The following NRXN3 variants were observed in gnomAD, a reference collection of about 807,000 sequenced individuals.
The protein encoded by NRXN3 is neurexin 3, also known as neurexin III.
NRXN3 carries 32 observed loss-of-function variants against 137.6 expected under a neutral mutation model. That is an observed-to-expected ratio of 0.23 (90% CI 0.18 to 0.31). NRXN3 has a LOEUF of 0.31. Among genes scored for constraint, NRXN3 ranks in the 10% least tolerant of loss-of-function variants. The pLI, the probability that NRXN3 is intolerant of heterozygous loss-of-function variation, is 1.00. For missense variants in NRXN3, 1,574 were observed against 2,062.5 expected (o/e 0.76, Z 4.59); for synonymous variants, 798 against 784.5 (o/e 1.02, Z -0.29).
chr14:78,747,211 C>T (rs186755524), intron 8 of NRXN3, among the ~76,000 whole-genome samples: 3 of 152,312 alleles, frequency 2.0e-5, no homozygotes, highest in Admixed American at 2.0e-4. Context: ...GGGACTAAGA[C>T]TCCAGCTCAA....
At chr14:78,643,824 C>T (rs937829920) in intron 4 of NRXN3, among the ~76,000 whole-genome samples, 1 of 152,150 alleles carries the variant, frequency 6.6e-6, no homozygotes, top group South Asian at 2.1e-4. Flanking sequence ...TCAGACCTTG[C>T]AATATGTATG....
intron 15 of NRXN3, among the ~76,000 whole-genome samples, chr14:79,258,901 C>T (rs2077148473): frequency 6.6e-6 from 1 of 152,164 alleles, no homozygotes; most frequent in Admixed American, 6.5e-5. Flanking sequence ...TTGTCTTTTC[C>T]TTCAACTTCC....
At chr14:79,134,483 T>A (rs1200443168) in intron 15 of NRXN3, among the ~76,000 whole-genome samples, 2 of 152,238 alleles carry the variant, frequency 1.3e-5, no homozygotes, top group African/African-American at 4.8e-5. Flanking sequence ...TGTTTTGGAC[T>A]GAGGCTAACC....
intron 4 of NRXN3, among the ~76,000 whole-genome samples, chr14:78,548,076 A>G (rs1309006702): frequency 1.3e-5 from 2 of 152,228 alleles, no homozygotes; most frequent in Non-Finnish European, 2.9e-5. Context: ...CTTGTTATCT[A>G]TATTAAACAT....
At chr14:78,476,029 G>A (rs1341109311) in intron 4 of NRXN3, among the ~76,000 whole-genome samples, 2 of 152,190 alleles carry the variant, frequency 1.3e-5, no homozygotes, top group African/African-American at 4.8e-5. Context: ...AATAAAGCAA[G>A]GGAGGGGAAT....
At chr14:79,212,270 G>T (rs967985251) in intron 15 of NRXN3, among the ~76,000 whole-genome samples, 26 of 152,166 alleles carry the variant, frequency 1.7e-4, no homozygotes, top group African/African-American at 6.0e-4. Context: ...CCATCGAAAG[G>T]ACAAATCCCC....
chr14:79,342,429 C>T (rs1393955012), intron 15 of NRXN3, among the ~76,000 whole-genome samples: 2 of 151,960 alleles, frequency 1.3e-5, no homozygotes, highest in Non-Finnish European at 2.9e-5. Flanking sequence ...CATTTAAGGA[C>T]TTTAGAGACA....
At chr14:78,836,146 G>A (rs1354938049) in intron 10 of NRXN3, among the ~76,000 whole-genome samples, 1 of 152,092 alleles carries the variant, frequency 6.6e-6, no homozygotes, top group African/African-American at 2.4e-5. Flanking sequence ...AAAATCATAT[G>A]CACTAGAAAC....
At chr14:79,551,397 C>T (rs1183299141) in intron 16 of NRXN3, among the ~76,000 whole-genome samples, 1 of 152,126 alleles carries the variant, frequency 6.6e-6, no homozygotes, top group Non-Finnish European at 1.5e-5. Flanking sequence ...TTTTGTCTCC[C>T]ACTAGGACCA....
chr14:79,278,271 G>A (rs1011012047), intron 15 of NRXN3, among the ~76,000 whole-genome samples: 3 of 152,182 alleles, frequency 2.0e-5, no homozygotes, highest in East Asian at 1.9e-4. Flanking sequence ...AAGCTAGCAA[G>A]ACCTGTGTGG....
chr14:78,356,476 C>A (rs577804578), intron 4 of NRXN3, among the ~76,000 whole-genome samples: 6 of 152,352 alleles, frequency 3.9e-5, no homozygotes, highest in Admixed American at 2.6e-4. Context: ...GACTCCCATA[C>A]CCCTTTAGTC....
chr14:78,980,603 C>T (rs2099486972), intron 14 of NRXN3, among the ~76,000 whole-genome samples: 1 of 152,094 alleles, frequency 6.6e-6, no homozygotes, highest in Non-Finnish European at 1.5e-5. Context: ...CAGTAACAGG[C>T]ATAAAATGGT....
chr14:79,543,739 A>G (rs760149957), intron 16 of NRXN3, among the ~76,000 whole-genome samples: 1 of 152,234 alleles, frequency 6.6e-6, no homozygotes, highest in Non-Finnish European at 1.5e-5. Flanking sequence ...GAAGCAGGCC[A>G]GGTGGCAAAT....
chr14:78,628,062 T>C, intron 4 of NRXN3, among the ~76,000 whole-genome samples: 1 of 151,610 alleles, frequency 6.6e-6, no homozygotes, highest in East Asian at 1.9e-4. Context: ...ACCATAGCAT[T>C]GCAGAGTTCT....
At chr14:79,856,664 C>T (rs2099403372) in intron 20 of NRXN3, among the ~76,000 whole-genome samples, 1 of 151,276 alleles carries the variant, frequency 6.6e-6, no homozygotes, top group Non-Finnish European at 1.5e-5. Flanking sequence ...TCACTATCAC[C>T]CACAACATTC....
chr14:79,186,582 A>G lies in NRXN3; in HGVS notation c.3262+198441A>G, dbSNP rs1564390. Among the ~76,000 whole-genome samples, 463 of 152,288 alleles carry G rather than the reference A, an allele frequency of 3.0e-3. 1 individual carries two copies. Among genetic ancestry groups the G allele is most frequent in the African/African-American group, 0.011 (448 of 41,560 alleles). On this transcript the variant is annotated intron_variant, in intron 15 of 20. Coordinates refer to ENST00000335750, the MANE Select transcript of NRXN3 (RefSeq NM_001330195.2). ...GAAATCAAGTCTCCAAAATTTCTCT[A>G]TCCTTTAGAAAGAAACTCCACCTTA...
At chr14:78,278,445 C>A (rs1394344893) in intron 2 of NRXN3, among the ~76,000 whole-genome samples, 200 bp from the exon 3 acceptor site, 1 of 152,134 alleles carries the variant, frequency 6.6e-6, no homozygotes, top group East Asian at 1.9e-4. Context: ...GGAGCTTGGC[C>A]CCTCGGCTTG....
At chr14:79,314,539 A>G (rs540158051) in intron 15 of NRXN3, among the ~76,000 whole-genome samples, 2 of 42,124 alleles carry the variant, frequency 4.7e-5, no homozygotes, top group Non-Finnish European at 8.8e-5. Context: ...GCAGCCGGGA[A>G]GCTCGAACTG....
At chr14:78,901,695 C>T (rs1412370134) in intron 10 of NRXN3, among the ~76,000 whole-genome samples, 1 of 152,068 alleles carries the variant, frequency 6.6e-6, no homozygotes, top group Admixed American at 6.6e-5. Context: ...GGTCACTTTC[C>T]TTCCTTGCTT....
Sources: gnomAD v4.1 joint callset for allele counts (sites outside exome capture counted in the v4.1 genomes callset) on GRCh38, gnomAD v4.1.1 for gene constraint, MANE v1.5 for transcripts, NCBI Gene and HGNC (gene_info 2026-07-23, HGNC 2026-07-21) for gene names.